The following MYH15 variants were observed in gnomAD, a reference collection of about 807,000 sequenced individuals.
MYH15 encodes myosin heavy chain 15, also known as myosin-15.
In MYH15, 227 loss-of-function variants were observed where a neutral mutation model predicts 240.5. The ratio of observed to expected loss-of-function variants is 0.94; its 90% CI spans 0.85 to 1.05. MYH15 has a LOEUF of 1.05. MYH15 is among the 50% of genes least tolerant of loss of function. MYH15 has a pLI of 0.00. For missense variants in MYH15, 2,217 were observed against 2,247.5 expected (o/e 0.99, Z 0.27); for synonymous variants, 785 against 796.7 (o/e 0.99, Z 0.25).
In MYH15 at chr3:108,454,052, G is replaced by T. The variant is rs373706528; in HGVS notation, c.2353C>A (p.Gln785Lys). 6.2e-7 allele frequency: 1 copy of T among 1,612,968 alleles called. No individual in the cohort carries two copies. Among genetic ancestry groups the T allele is most frequent in the Non-Finnish European group, 8.5e-7 (1 of 1,179,324 alleles). ...AATTTGATTCGCATCAGTTTGCCCTGTGCTCTGGCTTGGAACAATGTGAAG... is the reference window on the plus strand; with the variant it reads ...AATTTGATTCGCATCAGTTTGCCCTTTGCTCTGGCTTGGAACAATGTGAAG... ...KVFTLFQARAQGKLMRIKFQK... is the reference protein window; with the variant it reads ...KVFTLFQARAKGKLMRIKFQK... The change falls in exon 21 of 41, where the codon CAG becomes AAG. Residue 785 changes from glutamine to lysine, a missense_variant. Physicochemically the swap from Gln to Lys is moderately conservative, Grantham distance 53. Transcript: ENST00000693548.
At chr3:108,528,581 C>G (rs2083691006) in intron 1 of MYH15, among the ~76,000 whole-genome samples, 1 of 152,076 alleles carries the variant, frequency 6.6e-6, no homozygotes, top group Non-Finnish European at 1.5e-5. Flanking sequence ...CAATTCAATC[C>G]AAAAGCAGTA....
chr3:108,485,279 A>C (rs1393507843), intron 10 of MYH15, 50 bp from the exon 11 acceptor site: 1 of 1,606,178 alleles, frequency 6.2e-7, no homozygotes, highest in East Asian at 2.2e-5. Flanking sequence ...TAATGGCTGC[A>C]GTGAGCACCT....
chr3:108,470,924 T>A, intron 12 of MYH15, 77 bp from the exon 13 acceptor site: 1 of 1,454,680 alleles, frequency 6.9e-7, no homozygotes, highest in Non-Finnish European at 9.4e-7. Context: ...TATCAGCAAC[T>A]GCCTTCTAGT....
chr3:108,474,300 T>C (rs1319076188), intron 12 of MYH15, among the ~76,000 whole-genome samples: 2 of 151,872 alleles, frequency 1.3e-5, no homozygotes, highest in Non-Finnish European at 1.5e-5. Flanking sequence ...AGGAGGATTT[T>C]TTATTTTAAT....
At chr3:108,440,044 C>G (rs2082873171) in intron 23 of MYH15, 131 bp from the exon 24 acceptor site, 2 of 684,566 alleles carry the variant, frequency 2.9e-6, no homozygotes, top group East Asian at 3.0e-5. Context: ...TGTATTTAGC[C>G]AAATTCCTGA....
rs1576257837 is a variant in MYH15, at chr3:108,476,392, C to T, written c.1233+5G>A. The T allele has an allele frequency of 2.7e-6, 4 of 1,494,856 alleles. No homozygotes were observed. Among genetic ancestry groups the T allele is most frequent in the Non-Finnish European group, 3.7e-6 (4 of 1,071,962 alleles). 92.6% of individuals were successfully genotyped at this position (1,494,856 alleles called of 1,614,324 possible). On this transcript the variant is annotated splice_donor_5th_base_variant and intron_variant, in intron 12 of 40. Transcript: ENST00000693548. ...AATAATAATGCTCTTGAAATATCAC[C>T]TTACCTGTTCTATAGTTTGACCTCT... is the stretch of plus-strand genomic sequence containing the variant.
chr3:108,477,117 A>C (rs1437208687), intron 11 of MYH15, among the ~76,000 whole-genome samples: 4 of 152,206 alleles, frequency 2.6e-5, no homozygotes, highest in Non-Finnish European at 5.9e-5. Context: ...GTATACTCAT[A>C]TAATACGATA....
At position 108,421,084 on chromosome 3, in the gene MYH15, T is replaced by A. The variant is rs1287181967; in HGVS notation, c.3829+4A>T. On this transcript the variant is annotated splice_donor_region_variant and intron_variant, in intron 28 of 40. Coordinates refer to ENST00000693548, the MANE Select transcript of MYH15 (RefSeq NM_014981.3). The stretch of plus-strand genomic sequence containing the variant: ...CCTATGAGTCAAGCAGCATACTTAC[T>A]TACCACTCTCACTCCACAGCTTTGT... 7.4e-6 allele frequency: 12 copies of A among 1,613,862 alleles called. 1 individual carries two copies. Among genetic ancestry groups the A allele is most frequent in the Admixed American group, 5.0e-5 (3 of 60,004 alleles).
rs139026854 is a variant in MYH15 at position 108,501,717 on chromosome 3, T to C, written c.334A>G (p.Ile112Val). ...CAGGAAAGCATATTACACACATAGA[T>C]CATCCACTGGCCATAGCGCCGCTTC... ...TLKRRYGQWM[I>V]YTYSGLFCVT... The change falls in exon 3 of 41, where the codon ATC becomes GTC. Residue 112 changes from isoleucine to valine, a missense_variant. By Grantham distance (29) the Ile-to-Val change is conservative. Coordinates refer to ENST00000693548, the MANE Select transcript of MYH15 (RefSeq NM_014981.3). 2.1e-4 allele frequency: 344 copies of C among 1,614,008 alleles called. 3 individuals carry two copies. In the East Asian group the frequency reaches 7.5e-3, roughly 35 times the overall value.
the MYH15 span, among the ~76,000 whole-genome samples, chr3:108,548,953 CT>C: frequency 6.6e-6 from 1 of 151,968 alleles, no homozygotes; most frequent in Non-Finnish European, 1.5e-5. Flanking sequence ...CAGTTTCATT[CT>C]TTTTTTCCTG....
intron 35 of MYH15, among the ~76,000 whole-genome samples, chr3:108,398,190 C>A (rs1164360770): frequency 1.3e-5 from 2 of 152,166 alleles, no homozygotes; most frequent in African/African-American, 4.8e-5. Flanking sequence ...TGGACAGCAA[C>A]AGACCCTCGC....
chr3:108,384,911 A>C (rs1576199868), intron 38 of MYH15, 129 bp from the exon 39 acceptor site: 9 of 766,062 alleles, frequency 1.2e-5, no homozygotes, highest in East Asian at 1.1e-4. Context: ...TGATTTTAAC[A>C]ATGGGTTTAA....
intron 8 of MYH15, 42 bp from the exon 9 acceptor site, chr3:108,492,637 C>A (rs2083360121): frequency 6.8e-7 from 1 of 1,475,544 alleles, no homozygotes; most frequent in Non-Finnish European, 9.4e-7. Flanking sequence ...CTTAGGCATT[C>A]TTGCAAAATG....
intron 1 of MYH15, among the ~76,000 whole-genome samples, chr3:108,516,619 T>C (rs1225603130): frequency 6.6e-6 from 1 of 152,224 alleles, no homozygotes; most frequent in African/African-American, 2.4e-5. Context: ...AATCATGTTA[T>C]GTGCCTTAAC....
In MYH15 at chr3:108,441,221, A is replaced by G; in HGVS notation, c.2695T>C (p.Trp899Arg). ...TLANVEEQCE[W>R]LIKSKIQLEA... Reference sequence around the variant, plus strand: ...AGCTGGATCTTGGATTTAATCAGCCACTCGCACTGCTCTTCAACATTTGCC... The same window carrying G: ...AGCTGGATCTTGGATTTAATCAGCCGCTCGCACTGCTCTTCAACATTTGCC... The change falls in exon 23 of 41, where the codon TGG (tryptophan) becomes CGG (arginine). Residue 899 changes from tryptophan to arginine, a missense_variant. Trp to Arg is a moderately radical substitution (Grantham distance 101, BLOSUM62 -3). Coordinates refer to ENST00000693548, the MANE Select transcript of MYH15 (RefSeq NM_014981.3). 6.2e-7 allele frequency: 1 copy of G among 1,614,024 alleles called. No individual in the cohort carries two copies. The highest frequency in any genetic ancestry group is 8.5e-7 in the Non-Finnish European group (1 of 1,179,956).
In MYH15 at chr3:108,428,804, G is replaced by A; in HGVS notation, c.3390C>T (p.Asp1130=). 6.2e-7 allele frequency: 1 copy of A among 1,613,902 alleles called. No homozygotes were observed. Among genetic ancestry groups the A allele is most frequent in the Non-Finnish European group, 8.5e-7 (1 of 1,179,970 alleles). Residue 1130 remains aspartate (D), a synonymous_variant, in exon 27 of 41, where the codon GAC becomes GAT. Coordinates refer to ENST00000693548, the MANE Select transcript of MYH15 (RefSeq NM_014981.3). The stretch of plus-strand genomic sequence containing the variant: ...TCAAGTCAGCCAGGTCTTGGGTGAG[G>A]TCAGCTCTCTCCCTTTCCATCTTGG... ...TRAKMERERA[D]LTQDLADLNE...
chr3:108,473,428 T>C (rs1320916093), intron 12 of MYH15, among the ~76,000 whole-genome samples: 1 of 152,234 alleles, frequency 6.6e-6, no homozygotes, highest in Non-Finnish European at 1.5e-5. Context: ...ACTGACAGCA[T>C]ATTTGACGCT....
intron 12 of MYH15, among the ~76,000 whole-genome samples, 190 bp from the exon 13 acceptor site, chr3:108,471,037 G>GAAAGAAAGAA (rs2083170011): frequency 7.2e-6 from 1 of 138,488 alleles, no homozygotes; most frequent in Admixed American, 7.5e-5. Context: ...AAGAAAGAAA[G>GAAAGAAAGAA]AAAGAAAAGG....
rs146758031 is a variant in MYH15, at chr3:108,420,095, AAC to A, written c.3829+991_3829+992del. ...GATAAATTGAAAAAGAAAAACCCCC[AAC>A]AGATTGCTACAATGTAATAGATTGG... On this transcript the variant is annotated intron_variant, in intron 28 of 40. Coordinates refer to ENST00000693548, the MANE Select transcript of MYH15 (RefSeq NM_014981.3). Among the ~76,000 whole-genome samples, 449 of 152,304 alleles carry A rather than the reference AAC, an allele frequency of 2.9e-3. 14 individuals are homozygous for A. The East Asian group carries it at 0.071, about 24-fold the overall frequency.
Sources: allele counts gnomAD v4.1 joint callset (sites outside exome capture counted in the v4.1 genomes callset), GRCh38; gene constraint gnomAD v4.1.1; transcripts MANE v1.5; gene names NCBI Gene and HGNC (gene_info 2026-07-23, HGNC 2026-07-21).